Variants in FILIP1 observed in about 807,000 individuals in gnomAD.
The protein encoded by FILIP1 is filamin A interacting protein 1.
FILIP1 carries 61 observed loss-of-function variants against 102.1 expected under a neutral mutation model. That is an observed-to-expected ratio of 0.60 (90% CI 0.49 to 0.74). FILIP1 has a LOEUF of 0.74. FILIP1 is among the 30% of genes least tolerant of loss of function. The probability of loss-of-function intolerance (pLI) is 0.00; values close to 1 mark genes in which losing one functional copy is unlikely to be tolerated. For synonymous variants in FILIP1, 491 were observed against 526.9 expected, an observed-to-expected ratio of 0.93 and a Z score of 0.93; for missense variants, 1,314 against 1,441.2, an observed-to-expected ratio of 0.91 and a Z score of 1.43.
chr6:75,445,540 A>G (rs750481059), intron 1 of FILIP1, among the ~76,000 whole-genome samples: 3 of 152,010 alleles, frequency 2.0e-5, no homozygotes, highest in Non-Finnish European at 4.4e-5. Flanking sequence ...CTCCTTGAAC[A>G]CTGATTCACA....
intron 4 of FILIP1, among the ~76,000 whole-genome samples, chr6:75,353,027 TG>T (rs1390968784): frequency 1.8e-5 from 2 of 110,592 alleles, no homozygotes; most frequent in Non-Finnish European, 3.7e-5. Flanking sequence ...TTACACGGGG[TG>T]GGGAATATCA....
intron 4 of FILIP1, among the ~76,000 whole-genome samples, chr6:75,335,326 G>T (rs1473755767): frequency 6.6e-6 from 1 of 151,922 alleles, no homozygotes; most frequent in Non-Finnish European, 1.5e-5. Flanking sequence ...TTTTTAAATG[G>T]CAAAAACTGC....
intron 4 of FILIP1, among the ~76,000 whole-genome samples, chr6:75,328,919 G>A (rs982616673): frequency 2.0e-5 from 3 of 152,158 alleles, no homozygotes; most frequent in African/African-American, 4.8e-5. Flanking sequence ...ATCTGTCTGT[G>A]ACTGTGGGTG....
At chr6:75,345,614 G>C (rs547928813) in intron 4 of FILIP1, among the ~76,000 whole-genome samples, 1 of 152,078 alleles carries the variant, frequency 6.6e-6, no homozygotes, top group Non-Finnish European at 1.5e-5. Flanking sequence ...TTTTCCGTGC[G>C]CTATGTAAAC....
chr6:75,383,175 G>T (rs1041387364), intron 2 of FILIP1, among the ~76,000 whole-genome samples: 1 of 152,100 alleles, frequency 6.6e-6, no homozygotes, highest in Non-Finnish European at 1.5e-5. Context: ...TGGAATCAGG[G>T]CACTTGAGTC....
chr6:75,322,785 C>T (rs1319080908), intron 4 of FILIP1, among the ~76,000 whole-genome samples: 1 of 152,074 alleles, frequency 6.6e-6, no homozygotes, highest in African/African-American at 2.4e-5. Context: ...CCTCAGCCTC[C>T]CGGGTTAAAA....
At chr6:75,416,956 C>A (rs1266996716) in intron 1 of FILIP1, among the ~76,000 whole-genome samples, 1 of 152,004 alleles carries the variant, frequency 6.6e-6, no homozygotes, top group Admixed American at 6.6e-5. Context: ...AGAAAATAAT[C>A]TATTAGTATC....
chr6:75,419,350 G>A lies in FILIP1; in HGVS notation c.-6-4372C>T, dbSNP rs986173398. On this transcript the variant is annotated intron_variant, in intron 1 of 5. Coordinates refer to ENST00000237172, the MANE Select transcript of FILIP1 (RefSeq NM_015687.5). ...TCTTTTCTGTATAAATTAGGCTTTG[G>A]CATCTTTGCTATGCTTCTCAGGTAT... 2.2e-4 allele frequency among the ~76,000 whole-genome samples: 33 copies of A among 151,946 alleles called. 2 individuals are homozygous for A. Among genetic ancestry groups the A allele is most frequent in the Non-Finnish European group, 2.9e-5 (2 of 67,998 alleles).
chr6:75,337,675 G>A (rs1774289100), intron 4 of FILIP1, among the ~76,000 whole-genome samples: 1 of 152,094 alleles, frequency 6.6e-6, no homozygotes, highest in African/African-American at 2.4e-5. Context: ...TTGGGGCAGA[G>A]GTGCATTCTT....
At chr6:75,471,533 T>C (rs1322330474) in intron 1 of FILIP1, among the ~76,000 whole-genome samples, 3 of 152,190 alleles carry the variant, frequency 2.0e-5, no homozygotes, top group Non-Finnish European at 2.9e-5. Flanking sequence ...ACGGATAATT[T>C]TGCATATCCT....
Position 75,454,644 on chromosome 6 carries a change from C to T in FILIP1, c.-7+38770G>A, listed in dbSNP as rs185911956. On this transcript the variant is annotated intron_variant, in intron 1 of 5. Transcript: ENST00000237172. ...GGATTCAAGAAATTTAATTAGAGTCCGTGAAGTCCCATGTCTTTTCTTATG... is the reference window on the plus strand; with the variant it reads ...GGATTCAAGAAATTTAATTAGAGTCTGTGAAGTCCCATGTCTTTTCTTATG... Among the ~76,000 whole-genome samples, 177 of 152,252 alleles carry T rather than the reference C, an allele frequency of 1.2e-3. 1 individual carries two copies. The highest frequency in any genetic ancestry group is 3.6e-3 in the African/African-American group (151 of 41,516).
Position 75,315,052 on chromosome 6 carries a change from T to C in FILIP1, c.780A>G (p.Gln260=). The C allele has an allele frequency of 1.2e-6, 2 of 1,614,168 alleles. No homozygotes were observed. Among genetic ancestry groups the C allele is most frequent in the African/African-American group, 1.3e-5 (1 of 75,062 alleles). The part of the protein sequence containing the change: ...LVDERQMHIE[Q]LGLQSQKVQD... The stretch of plus-strand genomic sequence containing the variant: ...GTACTTTCTGGCTTTGCAGGCCAAG[T>C]TGTTCAATGTGCATTTGTCTTTCAT... Residue 260 remains glutamine, a synonymous_variant, in exon 5 of 6, where the codon CAA becomes CAG. Transcript: ENST00000237172.
intron 4 of FILIP1, among the ~76,000 whole-genome samples, chr6:75,335,343 CA>C (rs1774207019): frequency 6.6e-6 from 1 of 152,108 alleles, no homozygotes. Context: ...CTGCTGTCTG[CA>C]AAAACAAAAG....
At chr6:75,432,127 T>A (rs1777843137) in intron 1 of FILIP1, among the ~76,000 whole-genome samples, 1 of 152,220 alleles carries the variant, frequency 6.6e-6, no homozygotes, top group Non-Finnish European at 1.5e-5. Context: ...TTGTTTTTAT[T>A]AAATAGTTGT....
chr6:75,341,809 A>C (rs1774428630), intron 4 of FILIP1, among the ~76,000 whole-genome samples: 1 of 152,210 alleles, frequency 6.6e-6, no homozygotes, highest in Admixed American at 6.5e-5. Context: ...CAAACAATAG[A>C]AGAGTTTACT....
chr6:75,372,549 C>T (rs1467239149), intron 2 of FILIP1, among the ~76,000 whole-genome samples: 1 of 144,442 alleles, frequency 6.9e-6, no homozygotes, highest in African/African-American at 2.6e-5. Context: ...TAGGGAAACA[C>T]AAATCAAAAC....
In FILIP1 at chr6:75,308,785, T is replaced by C; in HGVS notation, c.3548A>G (p.Lys1183Arg). The change falls in exon 6 of 6, where the codon AAA becomes AGA. Residue 1183 changes from lysine (K) to arginine (R), a missense_variant. Lys to Arg is a conservative substitution (Grantham distance 26). Coordinates refer to ENST00000237172, the MANE Select transcript of FILIP1 (RefSeq NM_015687.5). The part of the protein sequence containing the change: ...VAAPGAGNLT[K>R]FEPRAETQSM... ...CTGAGTCTCAGCTCGAGGCTCGAAT[T>C]TGGTCAGATTTCCTGCTCCTGGGGC... 1.9e-6 allele frequency: 3 copies of C among 1,614,062 alleles called. No homozygotes were observed. Among genetic ancestry groups the C allele is most frequent in the Non-Finnish European group, 2.5e-6 (3 of 1,180,010 alleles).
At chr6:75,455,957 A>C (rs1220999988) in intron 1 of FILIP1, among the ~76,000 whole-genome samples, 1 of 152,018 alleles carries the variant, frequency 6.6e-6, no homozygotes, top group Non-Finnish European at 1.5e-5. Flanking sequence ...TCTACCCCAA[A>C]CCTACTCTCA....
At chr6:75,403,524 A>AAAAAAAAAAAAAAAAAAG (rs55907855) in intron 2 of FILIP1, among the ~76,000 whole-genome samples, 5 of 134,726 alleles carry the variant, frequency 3.7e-5, no homozygotes, top group South Asian at 2.3e-4. Context: ...CAAAAAAAAA[A>AAAAAAAAAAAAAAAAAAG]AAAAAAGAAA....
Sources: allele counts gnomAD v4.1 joint callset (sites outside exome capture counted in the v4.1 genomes callset), GRCh38; gene constraint gnomAD v4.1.1; transcripts MANE v1.5; gene names NCBI Gene and HGNC (gene_info 2026-07-23, HGNC 2026-07-21).